The following TLK1 variants were observed in gnomAD, a reference collection of about 807,000 sequenced individuals.
TLK1 encodes the protein tousled like kinase 1, also known as serine/threonine-protein kinase tousled-like 1.
TLK1 carries 24 observed loss-of-function variants against 105.3 expected under a neutral mutation model. The observed-to-expected ratio is 0.23, with a 90% confidence interval of 0.17 to 0.32. The LOEUF (loss-of-function observed/expected upper bound fraction) is 0.32. Ranked by LOEUF, TLK1 falls within the 10% of genes least tolerant of loss-of-function variation. The pLI, the probability that TLK1 is intolerant of heterozygous loss-of-function variation, is 1.00. For missense variants in TLK1, 558 were observed against 910.5 expected (o/e 0.61, Z 4.98); for synonymous variants, 321 against 310.4 (o/e 1.03, Z -0.36).
At chr2:171,101,346 C>CAAAAAAAAAAAAAAAAAAAAAAAA (rs71401403) in intron 2 of TLK1, among the ~76,000 whole-genome samples, 10 of 63,490 alleles carry the variant, frequency 1.6e-4, no homozygotes, top group African/African-American at 7.2e-4. Flanking sequence ...AACTCCGTCT[C>CAAAAAAAAAAAAAAAAAAAAAAAA]AAAAAAAAAA....
chr2:171,165,675 G>A (rs1692594022), upstream of TLK1, among the ~76,000 whole-genome samples: 1 of 152,234 alleles, frequency 6.6e-6, no homozygotes, highest in African/African-American at 2.4e-5. Context: ...CATTTTGGGA[G>A]GCCGAGGCGG....
intron 1 of TLK1, among the ~76,000 whole-genome samples, chr2:171,196,967 A>G (rs1693287690): frequency 6.6e-6 from 1 of 152,260 alleles, no homozygotes; most frequent in African/African-American, 2.4e-5. Flanking sequence ...GCTAGAAGCT[A>G]CATTTCACGT....
chr2:171,083,231 G>T (rs1397793921), intron 2 of TLK1, among the ~76,000 whole-genome samples: 1 of 151,934 alleles, frequency 6.6e-6, no homozygotes, highest in Non-Finnish European at 1.5e-5. Context: ...GGCTCTTCAG[G>T]TCCCTTCACA....
rs570357786 is a variant in TLK1 at position 170,993,321 on chromosome 2, G to A, written c.*459C>T. On this transcript the variant is annotated 3_prime_UTR_variant, in exon 21 of 21. Coordinates refer to ENST00000431350, the MANE Select transcript of TLK1 (RefSeq NM_012290.5). ...TTCAGCAGATTAACTGCCAAATGCT[G>A]AAGAATGTATCCAGGCACTATAGTT... 2.6e-5 allele frequency: 4 copies of A among 152,774 alleles called. No homozygotes were observed. The highest frequency in any genetic ancestry group is 5.9e-5 in the Non-Finnish European group (4 of 68,162). 9.5% of individuals were successfully genotyped at this position (152,774 alleles called of 1,614,324 possible).
intron 1 of TLK1, among the ~76,000 whole-genome samples, chr2:171,121,681 G>A (rs1167191616): frequency 6.6e-6 from 1 of 152,192 alleles, no homozygotes; most frequent in Non-Finnish European, 1.5e-5. Context: ...TATATACTAT[G>A]CCTACTCTTT....
chr2:171,138,752 T>A (rs532707653), intron 1 of TLK1, among the ~76,000 whole-genome samples: 133 of 152,302 alleles, frequency 8.7e-4, no homozygotes, highest in African/African-American at 3.0e-3. Context: ...AAATAACATG[T>A]AATACCACCC....
intron 1 of TLK1, among the ~76,000 whole-genome samples, chr2:171,187,079 A>G (rs1558984561): frequency 7.8e-6 from 1 of 127,524 alleles, no homozygotes; most frequent in Non-Finnish European, 1.5e-5. Context: ...AAAAAAAAAA[A>G]AAAAGAAAAA....
At chr2:171,075,389 A>G (rs964440599) in intron 3 of TLK1, among the ~76,000 whole-genome samples, 1 of 152,200 alleles carries the variant, frequency 6.6e-6, no homozygotes, top group Non-Finnish European at 1.5e-5. Context: ...TAAAGGCTTA[A>G]GACTTGGTAG....
chr2:171,026,707 C>T (rs1052420134), intron 12 of TLK1, among the ~76,000 whole-genome samples: 19 of 152,076 alleles, frequency 1.2e-4, no homozygotes, highest in Non-Finnish European at 1.0e-4. Context: ...TAGGCCCTTA[C>T]GAACTCATTA....
intron 3 of TLK1, among the ~76,000 whole-genome samples, chr2:171,067,434 T>G (rs919340008): frequency 6.6e-6 from 1 of 152,150 alleles, no homozygotes; most frequent in African/African-American, 2.4e-5. Flanking sequence ...GTGCTGGGAC[T>G]ACAGGCATGA....
Position 171,117,723 on chromosome 2 carries a change from T to C in TLK1, c.258+16A>G, listed in dbSNP as rs1037438527. On this transcript the variant is annotated intron_variant, in intron 2 of 20. Coordinates refer to ENST00000431350, the MANE Select transcript of TLK1 (RefSeq NM_012290.5). ...AGAAAGAAAGACTGTCAAATAAAGATGAGAATTTTGCTCACTTTAGCTCCA... is the reference window on the plus strand; with the variant it reads ...AGAAAGAAAGACTGTCAAATAAAGACGAGAATTTTGCTCACTTTAGCTCCA... 1 of 1,582,762 alleles carries C rather than the reference T, an allele frequency of 6.3e-7. No homozygotes were observed. The highest frequency in any genetic ancestry group is 1.7e-5 in the Admixed American group (1 of 57,854).
intron 1 of TLK1, among the ~76,000 whole-genome samples, chr2:171,199,251 C>T (rs764305919): frequency 3.3e-5 from 5 of 152,180 alleles, no homozygotes; most frequent in Admixed American, 6.5e-5. Flanking sequence ...TGGCTCATGC[C>T]TATAATCCCA....
At chr2:171,073,001 T>C (rs1688332496) in intron 3 of TLK1, among the ~76,000 whole-genome samples, 1 of 152,168 alleles carries the variant, frequency 6.6e-6, no homozygotes. Flanking sequence ...GGGATTACTT[T>C]CTTGGTTTCT....
chr2:171,150,117 T>A (rs1391920959), intron 1 of TLK1, among the ~76,000 whole-genome samples: 1 of 152,166 alleles, frequency 6.6e-6, no homozygotes, highest in Non-Finnish European at 1.5e-5. Flanking sequence ...AGTACAGTAT[T>A]TCTAAGATGA....
intron 18 of TLK1, among the ~76,000 whole-genome samples, chr2:170,998,672 G>A (rs1386170403): frequency 6.6e-6 from 1 of 152,206 alleles, no homozygotes; most frequent in Non-Finnish European, 1.5e-5. Flanking sequence ...GCAGCTCAAG[G>A]AACTCTTATT....
rs1684659832 is a variant in TLK1, at chr2:171,006,456, G to C, written c.1768+18C>G. On this transcript the variant is annotated intron_variant, in intron 17 of 20. Transcript: ENST00000431350. ...CTATACTCAAGTTTAAAAAAAATTA[G>C]ACAAATTTCATAATTACCTGGCTTA... The C allele has an allele frequency of 1.3e-6, 2 of 1,553,506 alleles. No individual in the cohort carries two copies. The highest frequency in any genetic ancestry group is 2.8e-5 in the African/African-American group (2 of 72,246).
chr2:171,218,552 T>C (rs1340850806), intron 1 of TLK1, among the ~76,000 whole-genome samples: 2 of 152,212 alleles, frequency 1.3e-5, no homozygotes, highest in East Asian at 3.8e-4. Context: ...GGGTAATTTA[T>C]AAACAATGGA....
chr2:171,186,621 T>C (rs763115447), intron 1 of TLK1, among the ~76,000 whole-genome samples: 7 of 152,212 alleles, frequency 4.6e-5, no homozygotes, highest in Non-Finnish European at 1.0e-4. Context: ...AAAGTCACTC[T>C]GAACTGAAAC....
At chr2:171,123,167 C>A (rs1183901678) in intron 1 of TLK1, among the ~76,000 whole-genome samples, 1 of 151,622 alleles carries the variant, frequency 6.6e-6, no homozygotes, top group African/African-American at 2.4e-5. Context: ...ATTGGGGTTT[C>A]CTATCATCAA....
Sources: gnomAD v4.1 joint callset for allele counts (sites outside exome capture counted in the v4.1 genomes callset) on GRCh38, gnomAD v4.1.1 for gene constraint, MANE v1.5 for transcripts, NCBI Gene and HGNC (gene_info 2026-07-23, HGNC 2026-07-21) for gene names.